Variants in NECTIN3 observed in about 807,000 individuals in gnomAD.
The protein encoded by NECTIN3 is nectin cell adhesion molecule 3.
In NECTIN3, 8 loss-of-function variants were observed where a neutral mutation model predicts 49.4. The observed-to-expected ratio is 0.16, with a 90% confidence interval of 0.10 to 0.29. NECTIN3 has a LOEUF of 0.29. Among genes scored for constraint, NECTIN3 ranks in the 10% least tolerant of loss-of-function variants. The pLI, the probability that NECTIN3 is intolerant of heterozygous loss-of-function variation, is 1.00. For synonymous variants in NECTIN3, 277 were observed against 241.1 expected (o/e 1.15, Z -1.38); for missense variants, 581 against 654.6 (o/e 0.89, Z 1.23).
intron 1 of NECTIN3, among the ~76,000 whole-genome samples, chr3:111,076,735 T>C (rs1426041096): frequency 6.6e-6 from 1 of 152,118 alleles, no homozygotes; most frequent in Non-Finnish European, 1.5e-5. Context: ...TTTGGGAGGC[T>C]GATAGCTTCA....
At position 111,174,275 on chromosome 3, in the gene NECTIN3, A is replaced by C. The variant is rs183196372; in HGVS notation, c.1222-18076A>C. Among the ~76,000 whole-genome samples, 338 of 152,298 alleles carry C rather than the reference A, an allele frequency of 2.2e-3. 1 individual carries two copies. Among genetic ancestry groups the C allele is most frequent in the African/African-American group, 6.7e-3 (279 of 41,554 alleles). On this transcript the variant is annotated intron_variant, in intron 7 of 8. Coordinates refer to the NECTIN3 transcript ENST00000493615. ...CAGTATGTTATCTACAATTTCAAAAATCTCTAAGCAAATCAAGTTTTTCCT... is the reference window on the plus strand; with the variant it reads ...CAGTATGTTATCTACAATTTCAAAACTCTCTAAGCAAATCAAGTTTTTCCT...
At chr3:111,129,939 T>C (rs2034320372) in intron 5 of NECTIN3, among the ~76,000 whole-genome samples, 1 of 150,166 alleles carries the variant, frequency 6.7e-6, no homozygotes, top group Non-Finnish European at 1.5e-5. Context: ...TGTGAGCCAC[T>C]GCGCCCAGCA....
At chr3:111,100,425 ATACTGTGTAAAATTACT>A (rs998219959) in intron 1 of NECTIN3, among the ~76,000 whole-genome samples, 1 of 152,142 alleles carries the variant, frequency 6.6e-6, no homozygotes, top group African/African-American at 2.4e-5. Context: ...ATTTTAAAAA[ATACTGTGTAAAATTACT>A]TTCAAGCTAT....
At chr3:111,091,156 A>C (rs1429343751) in intron 1 of NECTIN3, among the ~76,000 whole-genome samples, 1 of 152,192 alleles carries the variant, frequency 6.6e-6, no homozygotes, top group Non-Finnish European at 1.5e-5. Flanking sequence ...TCCTAACACT[A>C]TACAACACTA....
intron 1 of NECTIN3, among the ~76,000 whole-genome samples, chr3:111,108,437 C>G (rs1435253525): frequency 6.6e-6 from 1 of 151,996 alleles, no homozygotes; most frequent in African/African-American, 2.4e-5. Context: ...CCCAATACTC[C>G]TTTTGGTAAT....
At chr3:111,133,546 T>C in intron 5 of NECTIN3, 89 bp from the exon 6 acceptor site, 1 of 1,466,936 alleles carries the variant, frequency 6.8e-7, no homozygotes, top group Non-Finnish European at 9.1e-7. Flanking sequence ...ATTCATTAAC[T>C]GTGCTGTCTT....
rs2034536962 is a variant in NECTIN3 at position 111,135,257 on chromosome 3, A to G, written c.*1042A>G. 6 of 969,400 alleles carry G rather than the reference A, an allele frequency of 6.2e-6. No individual in the cohort carries two copies. The highest frequency in any genetic ancestry group is 9.5e-5 in the South Asian group (2 of 20,950). 60.0% of individuals were successfully genotyped at this position (969,400 alleles called of 1,614,324 possible). A position where few individuals can be genotyped will look rare whatever the true frequency, so the allele number is the denominator to read the frequency against. On this transcript the variant is annotated 3_prime_UTR_variant, in exon 6 of 6. Transcript: ENST00000485303. ...CTTGGAACTTTGGATATAACTAGAA[A>G]AAACTAGATTATAGAATTAGTCGGT...
upstream of NECTIN3, among the ~76,000 whole-genome samples, chr3:111,190,558 G>A (rs2107538561): frequency 6.6e-6 from 1 of 152,290 alleles, no homozygotes; most frequent in African/African-American, 2.4e-5. Flanking sequence ...TTAGTGTCTG[G>A]CGAGGGCCTT....
At chr3:111,123,871 TGAAGCATCCCTGGGTTGA>T (rs2034053375) in intron 4 of NECTIN3, among the ~76,000 whole-genome samples, 2 of 152,174 alleles carry the variant, frequency 1.3e-5, no homozygotes, top group South Asian at 4.1e-4. Flanking sequence ...TAAGATGTTT[TGAAGCATCCCTGGGTTGA>T]GAAACACTGA....
intron 3 of NECTIN3, among the ~76,000 whole-genome samples, chr3:111,120,026 C>G (rs1184091217): frequency 6.6e-6 from 1 of 152,138 alleles, no homozygotes; most frequent in East Asian, 1.9e-4. Flanking sequence ...AAAAATGTTA[C>G]TACCATTGCA....
chr3:111,087,280 G>A (rs2031987001), intron 1 of NECTIN3, among the ~76,000 whole-genome samples: 1 of 152,116 alleles, frequency 6.6e-6, no homozygotes, highest in African/African-American at 2.4e-5. Flanking sequence ...TACAAGCATT[G>A]TTACATGTGT....
downstream of NECTIN3, among the ~76,000 whole-genome samples, chr3:111,138,962 AAAC>A (rs1439947098): frequency 8.6e-5 from 13 of 151,732 alleles, no homozygotes; most frequent in Middle Eastern, 3.4e-3. Context: ...CTTTCTTAAA[AAAC>A]AACAACAACA....
chr3:111,072,450 C>A (rs1170714546), intron 1 of NECTIN3: 1 of 1,534,796 alleles, frequency 6.5e-7, no homozygotes, highest in Non-Finnish European at 8.7e-7. Flanking sequence ...GTGCTTCGTG[C>A]GCCGAACTCC....
intron 7 of NECTIN3, among the ~76,000 whole-genome samples, chr3:111,186,311 A>G (rs973502582): frequency 2.0e-5 from 3 of 152,192 alleles, no homozygotes; most frequent in African/African-American, 7.2e-5. Flanking sequence ...TCAAACTGTT[A>G]TTACAAGGCT....
chr3:111,126,134 A>T, intron 4 of NECTIN3, 50 bp from the exon 5 acceptor site: 1 of 1,316,848 alleles, frequency 7.6e-7, no homozygotes. Context: ...AGCTGTCAAT[A>T]AATATAGTCT....
At chr3:111,144,431 G>T (rs1189168941) in intron 5 of NECTIN3, among the ~76,000 whole-genome samples, 7 of 149,892 alleles carry the variant, frequency 4.7e-5, no homozygotes, top group African/African-American at 1.0e-4. Flanking sequence ...AATTTTTTTT[G>T]ATCTGGGATA....
At chr3:111,107,091 G>A (rs558722461) in intron 1 of NECTIN3, among the ~76,000 whole-genome samples, 81 of 152,230 alleles carry the variant, frequency 5.3e-4, no homozygotes, top group African/African-American at 1.8e-3. Context: ...CACTTTTAGT[G>A]TGTGTGATCT....
Position 111,134,465 on chromosome 3 carries a change from G to T in NECTIN3, c.*250G>T. ...AATTTTAATGCAGAGTACTTTATTG[G>T]TGTGAGGCACACAGGTAAGAAGAAA... is the stretch of plus-strand genomic sequence containing the variant. On this transcript the variant is annotated 3_prime_UTR_variant, in exon 6 of 6. Coordinates refer to ENST00000485303, the MANE Select transcript of NECTIN3 (RefSeq NM_015480.3). 1 of 1,138,394 alleles carries T rather than the reference G, an allele frequency of 8.8e-7. No individual in the cohort carries two copies. The highest frequency in any genetic ancestry group is 1.1e-6 in the Non-Finnish European group (1 of 926,802). 70.5% of individuals were successfully genotyped at this position (1,138,394 alleles called of 1,614,324 possible).
intron 1 of NECTIN3, chr3:111,072,718 C>A (rs2030875205): frequency 2.4e-6 from 2 of 817,680 alleles, no homozygotes; most frequent in Non-Finnish European, 3.8e-6. Flanking sequence ...TGTGCCCACT[C>A]CCCCGGCTCT....
Sources: gnomAD v4.1 joint callset for allele counts (sites outside exome capture counted in the v4.1 genomes callset) on GRCh38, gnomAD v4.1.1 for gene constraint, MANE v1.5 for transcripts, NCBI Gene and HGNC (gene_info 2026-07-23, HGNC 2026-07-21) for gene names.